Variants in CCSER1 observed in about 807,000 individuals in gnomAD.
CCSER1 encodes serine-rich coiled-coil domain-containing protein 1.
In CCSER1, 41 loss-of-function variants were observed where a neutral mutation model predicts 82.0. That is an observed-to-expected ratio of 0.50 (90% confidence interval 0.39 to 0.65). CCSER1 has a LOEUF of 0.65. Ranked by LOEUF, CCSER1 falls within the 30% of genes least tolerant of loss-of-function variation. The pLI, the probability that CCSER1 is intolerant of heterozygous loss-of-function variation, is 0.00. For synonymous variants in CCSER1, 414 were observed against 383.9 expected, an observed-to-expected ratio of 1.08 and a Z score of -0.92; for missense variants, 1,119 against 1,064.2, an observed-to-expected ratio of 1.05 and a Z score of -0.72.
rs550725040 is a variant in CCSER1 at position 91,007,458 on chromosome 4, G to A, written c.2173-78492G>A. 3.3e-5 allele frequency among the ~76,000 whole-genome samples: 5 copies of A among 152,176 alleles called. No individual in the cohort carries two copies. In the South Asian group the frequency reaches 8.3e-4, roughly 25 times the overall value. ...ATGAATTAATTATTGATTCAGTCTT[G>A]TTACTTGTCATTAGTCTGTTCCAAA... On this transcript the variant is annotated intron_variant, in intron 9 of 10. Coordinates refer to ENST00000509176, the MANE Select transcript of CCSER1 (RefSeq NM_001145065.2).
chr4:91,050,623 A>C (rs1369282607), intron 9 of CCSER1, among the ~76,000 whole-genome samples: 2 of 152,168 alleles, frequency 1.3e-5, no homozygotes, highest in African/African-American at 2.4e-5. Context: ...TAGCAAAGTC[A>C]CTCTGCCAAT....
intron 10 of CCSER1, among the ~76,000 whole-genome samples, chr4:91,551,557 A>G (rs1273844978): frequency 6.6e-6 from 1 of 151,958 alleles, no homozygotes; most frequent in African/African-American, 2.4e-5. Context: ...GATTTTATTA[A>G]CACCAATTTA....
rs201117881 is a variant in CCSER1 at position 91,474,759 on chromosome 4, A to G, written c.2218-123813A>G. Among the ~76,000 whole-genome samples, 567 of 69,426 alleles carry G rather than the reference A, an allele frequency of 8.2e-3. 5 individuals are homozygous for G. The highest frequency in any genetic ancestry group is 0.027 in the Middle Eastern group (4 of 150). The allele number at this position is 69,426 out of a possible 152,430, so 45.5% of individuals were successfully genotyped here. On this transcript the variant is annotated intron_variant, in intron 10 of 10. Transcript: ENST00000509176. Reference sequence around the variant, plus strand: ...TACATACATGCACACACACACACACATGTGTGTGTATATATATATATATTT... The same window carrying G: ...TACATACATGCACACACACACACACGTGTGTGTGTATATATATATATATTT...
At chr4:91,189,919 T>C (rs1423468460) in intron 10 of CCSER1, among the ~76,000 whole-genome samples, 3 of 152,236 alleles carry the variant, frequency 2.0e-5, no homozygotes, top group Non-Finnish European at 2.9e-5. Context: ...GTATTTCTTA[T>C]AGCAGCAGAG....
At chr4:91,170,890 A>G (rs1281914108) in intron 10 of CCSER1, among the ~76,000 whole-genome samples, 1 of 152,212 alleles carries the variant, frequency 6.6e-6, no homozygotes, top group African/African-American at 2.4e-5. Context: ...TGGTAAAGTT[A>G]TATGATCTTT....
intron 4 of CCSER1, among the ~76,000 whole-genome samples, chr4:90,452,545 C>G (rs1304993628): frequency 6.6e-6 from 1 of 152,218 alleles, no homozygotes; most frequent in Admixed American, 6.5e-5. Flanking sequence ...AAAACAAGCT[C>G]CTTCCTTAGG....
intron 6 of CCSER1, among the ~76,000 whole-genome samples, chr4:90,675,075 C>T (rs991035613): frequency 6.6e-6 from 1 of 151,962 alleles, no homozygotes; most frequent in Non-Finnish European, 1.5e-5. Context: ...TCATTGTGAC[C>T]TTGAACAAGT....
chr4:91,225,242 TTATA>T (rs1193880274), intron 10 of CCSER1, among the ~76,000 whole-genome samples: 2 of 140,832 alleles, frequency 1.4e-5, no homozygotes, highest in South Asian at 2.1e-4. Context: ...ACATGTATAA[TTATA>T]TACATATACA....
chr4:91,319,433 G>A (rs990711529), intron 10 of CCSER1, among the ~76,000 whole-genome samples: 20 of 151,896 alleles, frequency 1.3e-4, no homozygotes, highest in African/African-American at 4.6e-4. Flanking sequence ...CAAACAAAAG[G>A]CAATGTTCAT....
intron 10 of CCSER1, among the ~76,000 whole-genome samples, chr4:91,349,370 C>T (rs1748306824): frequency 6.6e-6 from 1 of 152,068 alleles, no homozygotes; most frequent in Non-Finnish European, 1.5e-5. Context: ...GAGACAAATT[C>T]ATCTTTAAAT....
At chr4:90,483,304 A>C (rs376547001) in intron 5 of CCSER1, among the ~76,000 whole-genome samples, 2 of 152,082 alleles carry the variant, frequency 1.3e-5, no homozygotes, top group Admixed American at 1.3e-4. Context: ...ACAGCACACT[A>C]ATGGGTCTTG....
chr4:91,596,067 A>C (rs1471291806), intron 10 of CCSER1, among the ~76,000 whole-genome samples: 2 of 151,982 alleles, frequency 1.3e-5, no homozygotes, highest in Admixed American at 1.3e-4. Flanking sequence ...GAGAGTAAGA[A>C]GCCCCATCTT....
chr4:90,596,424 C>T (rs1004514978), intron 5 of CCSER1, among the ~76,000 whole-genome samples: 1 of 151,038 alleles, frequency 6.6e-6, no homozygotes, highest in African/African-American at 2.4e-5. Context: ...AAGTATAGGA[C>T]ATGTACTAAC....
chr4:91,314,480 C>T (rs1017920898), intron 10 of CCSER1, among the ~76,000 whole-genome samples: 1 of 151,998 alleles, frequency 6.6e-6, no homozygotes, highest in African/African-American at 2.4e-5. Context: ...TTAAGTTTAA[C>T]TTAATAACTC....
intron 10 of CCSER1, among the ~76,000 whole-genome samples, chr4:91,398,791 A>G (rs899462710): frequency 6.6e-6 from 1 of 151,864 alleles, no homozygotes; most frequent in Non-Finnish European, 1.5e-5. Flanking sequence ...GGAAAAAAAA[A>G]AAGTCAGCTG....
At chr4:90,841,071 A>T (rs1762508984) in intron 8 of CCSER1, among the ~76,000 whole-genome samples, 1 of 152,208 alleles carries the variant, frequency 6.6e-6, no homozygotes, top group African/African-American at 2.4e-5. Context: ...CAGCAGCTAG[A>T]GTAAGTTGTC....
At chr4:90,468,198 T>A (rs1001295215) in intron 4 of CCSER1, 36 bp from the exon 5 acceptor site, 3 of 1,563,222 alleles carry the variant, frequency 1.9e-6, no homozygotes, top group Non-Finnish European at 2.6e-6. Flanking sequence ...TCATAAATAA[T>A]TTTGACATTT....
chr4:91,415,324 G>A (rs1753290773), intron 10 of CCSER1, among the ~76,000 whole-genome samples: 1 of 151,992 alleles, frequency 6.6e-6, no homozygotes, highest in Admixed American at 6.6e-5. Context: ...TTGATGATGG[G>A]GTTTTCTAGA....
At chr4:90,510,820 G>A (rs1236842634) in intron 5 of CCSER1, among the ~76,000 whole-genome samples, 1 of 152,174 alleles carries the variant, frequency 6.6e-6, no homozygotes, top group East Asian at 1.9e-4. Context: ...AAAAGACTCT[G>A]GGCCTTCGTG....
Sources: gnomAD v4.1 joint callset for allele counts (sites outside exome capture counted in the v4.1 genomes callset) on GRCh38, gnomAD v4.1.1 for gene constraint, MANE v1.5 for transcripts, NCBI Gene and HGNC (gene_info 2026-07-23, HGNC 2026-07-21) for gene names.